The following BICD1 variants were observed in gnomAD, a reference collection of about 807,000 sequenced individuals.
BICD1 encodes the protein BICD cargo adaptor 1, also known as protein bicaudal D homolog 1.
Under a neutral mutation model 92.5 loss-of-function variants are expected in BICD1, and 35 were observed. That is an observed-to-expected ratio of 0.38 (90% CI 0.29 to 0.50). The LOEUF is 0.50. Ranked by LOEUF, BICD1 falls within the 20% of genes least tolerant of loss-of-function variation. BICD1 has a pLI of 0.93. For missense variants in BICD1, 950 were observed against 1,189.8 expected, an observed-to-expected ratio of 0.80 and a Z score of 2.97; for synonymous variants, 429 against 465.1, an observed-to-expected ratio of 0.92 and a Z score of 1.00.
intron 1 of BICD1, among the ~76,000 whole-genome samples, chr12:32,210,991 A>G (rs1247878832): frequency 6.6e-6 from 1 of 152,228 alleles, no homozygotes; most frequent in Non-Finnish European, 1.5e-5. Context: ...AGCTTTAACA[A>G]GCAGCCAGAT....
intron 2 of BICD1, among the ~76,000 whole-genome samples, chr12:32,269,580 G>C (rs1271053255): frequency 6.6e-6 from 1 of 152,148 alleles, no homozygotes; most frequent in African/African-American, 2.4e-5. Flanking sequence ...AAATCAAAAA[G>C]ATAGGTAAAT....
At chr12:32,377,204 C>T (rs1320675351) in intron 9 of BICD1, among the ~76,000 whole-genome samples, 1 of 152,128 alleles carries the variant, frequency 6.6e-6, no homozygotes, top group Non-Finnish European at 1.5e-5. Flanking sequence ...AATCTTACAG[C>T]TAACACAGAG....
intron 3 of BICD1, among the ~76,000 whole-genome samples, chr12:32,303,874 A>G (rs1009506089): frequency 6.6e-5 from 10 of 152,264 alleles, no homozygotes; most frequent in Admixed American, 6.5e-4. Flanking sequence ...GGAGATTGAA[A>G]TCATCCTAGC....
At chr12:32,247,288 G>A (rs1946414220) in intron 2 of BICD1, among the ~76,000 whole-genome samples, 1 of 151,712 alleles carries the variant, frequency 6.6e-6, no homozygotes, top group African/African-American at 2.4e-5. Flanking sequence ...AGACAAGTAG[G>A]TAATTGGATA....
At chr12:32,187,309 A>G (rs1944444507) in intron 1 of BICD1, among the ~76,000 whole-genome samples, 1 of 152,230 alleles carries the variant, frequency 6.6e-6, no homozygotes, top group Non-Finnish European at 1.5e-5. Context: ...TATTAAAACA[A>G]TATATTGCTC....
At chr12:32,300,042 T>C (rs1947990202) in intron 3 of BICD1, among the ~76,000 whole-genome samples, 1 of 152,066 alleles carries the variant, frequency 6.6e-6, no homozygotes, top group Admixed American at 6.6e-5. Context: ...CATGGGAGTG[T>C]GTTCCAATAG....
At chr12:32,129,986 C>T (rs1258578172) in intron 1 of BICD1, among the ~76,000 whole-genome samples, 1 of 151,984 alleles carries the variant, frequency 6.6e-6, no homozygotes, top group Non-Finnish European at 1.5e-5. Context: ...GACTTACAAA[C>T]AATTATTATT....
intron 1 of BICD1, among the ~76,000 whole-genome samples, chr12:32,213,553 G>A (rs1270523757): frequency 6.6e-6 from 1 of 152,082 alleles, no homozygotes; most frequent in Non-Finnish European, 1.5e-5. Flanking sequence ...ACACCACCAC[G>A]CCTGGCTAAT....
Position 32,279,615 on chromosome 12 carries a change from C to T in BICD1, c.427-14379C>T, listed in dbSNP as rs115867248. On this transcript the variant is annotated intron_variant, in intron 2 of 9. Coordinates refer to ENST00000652176, the MANE Select transcript of BICD1 (RefSeq NM_001714.4). Reference sequence around the variant, plus strand: ...TTTCAACTGTTTAAAATAAAAGGGCCGATTTTATGCTGCTGTCAAGGTTTT... The same window carrying T: ...TTTCAACTGTTTAAAATAAAAGGGCTGATTTTATGCTGCTGTCAAGGTTTT... Among the ~76,000 whole-genome samples, 512 of 152,174 alleles carry T rather than the reference C, an allele frequency of 3.4e-3. 5 individuals are homozygous for T. The highest frequency in any genetic ancestry group is 0.012 in the African/African-American group (481 of 41,516).
intron 2 of BICD1, among the ~76,000 whole-genome samples, chr12:32,284,312 T>G (rs1947501390): frequency 6.6e-6 from 1 of 152,206 alleles, no homozygotes; most frequent in South Asian, 2.1e-4. Flanking sequence ...ATTCCTGGTT[T>G]GACTATCAAA....
chr12:32,333,777 C>T (rs2136274243), intron 5 of BICD1, among the ~76,000 whole-genome samples: 1 of 152,284 alleles, frequency 6.6e-6, no homozygotes. Context: ...GCCAGGGTAG[C>T]TCTTGATTTG....
chr12:32,117,211 T>C (rs1246343359), intron 1 of BICD1, among the ~76,000 whole-genome samples: 1 of 152,202 alleles, frequency 6.6e-6, no homozygotes, highest in Non-Finnish European at 1.5e-5. Flanking sequence ...GAGAATACTC[T>C]ATGGGGAGTT....
chr12:32,202,849 G>T (rs533540411), intron 1 of BICD1, among the ~76,000 whole-genome samples: 28 of 152,284 alleles, frequency 1.8e-4, no homozygotes, highest in African/African-American at 6.5e-4. Flanking sequence ...GGGCTCAAGA[G>T]ATCTGCCCGC....
intron 2 of BICD1, among the ~76,000 whole-genome samples, chr12:32,240,512 TTTC>T (rs1156613076): frequency 6.6e-6 from 1 of 152,222 alleles, no homozygotes; most frequent in African/African-American, 2.4e-5. Context: ...ACGTTGCCTT[TTTC>T]TTCTGTCAAG....
At chr12:32,167,637 G>A (rs2121513527) in intron 1 of BICD1, among the ~76,000 whole-genome samples, 1 of 152,176 alleles carries the variant, frequency 6.6e-6, no homozygotes, top group East Asian at 1.9e-4. Flanking sequence ...TGTATTTTTG[G>A]TTGAAATGGG....
chr12:32,240,824 A>G lies in BICD1; in HGVS notation c.426+24365A>G, dbSNP rs1946216207. 2.6e-5 allele frequency among the ~76,000 whole-genome samples: 4 copies of G among 152,250 alleles called. No individual in the cohort carries two copies. The South Asian group carries it at 8.3e-4, about 31-fold the overall frequency. On this transcript the variant is annotated intron_variant, in intron 2 of 9. Coordinates refer to ENST00000652176, the MANE Select transcript of BICD1 (RefSeq NM_001714.4). ...AGATAATAAATATGTAACTTTGGCT[A>G]CAAATGAATTCTTTATTATATCTCA...
Position 32,379,323 on chromosome 12 carries a change from G to T in BICD1, c.*1696G>T, listed in dbSNP as rs1201818888. 1.3e-5 allele frequency: 2 copies of T among 152,124 alleles called. No homozygotes were observed. The highest frequency in any genetic ancestry group is 3.9e-4 in the East Asian group (2 of 5,192). 9.4% of individuals were successfully genotyped at this position (152,124 alleles called of 1,614,324 possible). A position where few individuals can be genotyped will look rare whatever the true frequency, so the allele number is the denominator to read the frequency against. On this transcript the variant is annotated 3_prime_UTR_variant, in exon 10 of 10. Coordinates refer to ENST00000652176, the MANE Select transcript of BICD1 (RefSeq NM_001714.4). ...GTTAGTCATACGCCTATTAAGTAGT[G>T]GTCGCTATTACCAAAGCAACCAGGA...
At chr12:32,251,807 T>C (rs78536978) in intron 2 of BICD1, among the ~76,000 whole-genome samples, 7,305 of 151,128 alleles carry the variant, frequency 0.048, 292 homozygotes, top group East Asian at 0.21. Context: ...CTTGGTGTAG[T>C]TTCCAGGTAA....
In BICD1 at chr12:32,274,752, C is replaced by A. The variant is rs973690080; in HGVS notation, c.427-19242C>A. Among the ~76,000 whole-genome samples, 7 of 152,254 alleles carry A rather than the reference C, an allele frequency of 4.6e-5. No homozygotes were observed. In the East Asian group the frequency reaches 9.6e-4, roughly 21 times the overall value. ...GTTAATAAGGCATTTTTAGAAGTAG[C>A]AAAGCATAGTGGTTAAGAACATATG... On this transcript the variant is annotated intron_variant, in intron 2 of 9. Transcript: ENST00000652176.
Sources: allele counts gnomAD v4.1 joint callset (sites outside exome capture counted in the v4.1 genomes callset), GRCh38; gene constraint gnomAD v4.1.1; transcripts MANE v1.5; gene names NCBI Gene and HGNC (gene_info 2026-07-23, HGNC 2026-07-21).